The following NRG1 variants were observed in gnomAD, a reference collection of about 807,000 sequenced individuals.
NRG1 encodes pro-neuregulin-1, membrane-bound isoform.
A neutral mutation model predicts 63.8 loss-of-function variants in NRG1; 18 were observed. The observed-to-expected ratio is 0.28, with a 90% CI of 0.19 to 0.42. The LOEUF is 0.42. Among genes scored for constraint, NRG1 ranks in the 10% least tolerant of loss-of-function variants. The probability of loss-of-function intolerance (pLI) is 1.00; values close to 1 mark genes in which losing one functional copy is unlikely to be tolerated. For synonymous variants in NRG1, 302 were observed against 301.3 expected (o/e 1.00, Z -0.02); for missense variants, 762 against 814.7 (o/e 0.94, Z 0.79).
chr8:32,370,401 G>A (rs941850748), intron 1 of NRG1, among the ~76,000 whole-genome samples: 2 of 152,132 alleles, frequency 1.3e-5, no homozygotes, highest in African/African-American at 2.4e-5. Flanking sequence ...GCAGAGCTGA[G>A]AGTGTGACCT....
At chr8:32,411,029 C>T (rs1292260963) in intron 1 of NRG1, among the ~76,000 whole-genome samples, 3 of 152,060 alleles carry the variant, frequency 2.0e-5, no homozygotes, top group African/African-American at 7.2e-5. Flanking sequence ...GCACGCACCA[C>T]CATGCCCAGC....
chr8:32,595,495 C>T (rs563586436), intron 1 of NRG1, among the ~76,000 whole-genome samples: 46 of 152,144 alleles, frequency 3.0e-4, no homozygotes, highest in East Asian at 1.9e-3. Context: ...AGCCTACATA[C>T]GCTCCTTTAA....
intron 5 of NRG1, among the ~76,000 whole-genome samples, chr8:32,619,235 A>T (rs984789524): frequency 2.0e-5 from 3 of 152,140 alleles, no homozygotes; most frequent in Admixed American, 6.6e-5. Context: ...TCAAACAAAC[A>T]AACAAAAAAA....
In NRG1 at chr8:31,792,699, G is replaced by A. The variant is rs574428609; in HGVS notation, c.37+153268G>A. Reference sequence around the variant, plus strand: ...GTCTCTCTATGGTCTCTGGACTTACGTCTTGGCCTTACAGACTGTCCTGTT... The same window carrying A: ...GTCTCTCTATGGTCTCTGGACTTACATCTTGGCCTTACAGACTGTCCTGTT... On this transcript the variant is annotated intron_variant, in intron 1 of 10. Transcript: ENST00000519301. Among the ~76,000 whole-genome samples, 8 of 152,244 alleles carry A rather than the reference G, an allele frequency of 5.3e-5. No homozygotes were observed. The South Asian group carries it at 8.3e-4, about 16-fold the overall frequency.
At chr8:31,927,700 G>A (rs991343471) in intron 1 of NRG1, among the ~76,000 whole-genome samples, 37 of 149,116 alleles carry the variant, frequency 2.5e-4, no homozygotes, top group African/African-American at 8.8e-4. Context: ...CGCCCGCCTC[G>A]GCCTCCCAAA....
intron 1 of NRG1, among the ~76,000 whole-genome samples, chr8:32,196,279 G>A (rs1842944617): frequency 6.6e-6 from 1 of 152,024 alleles, no homozygotes; most frequent in Non-Finnish European, 1.5e-5. Context: ...GTCTGGGGAG[G>A]TCCCACTCTC....
intron 1 of NRG1, among the ~76,000 whole-genome samples, chr8:32,528,606 T>G (rs1831128317): frequency 6.6e-6 from 1 of 152,204 alleles, no homozygotes; most frequent in Non-Finnish European, 1.5e-5. Context: ...AATTCTTCTC[T>G]TCTTCCCACA....
At chr8:31,939,947 T>C (rs1220521601) in intron 1 of NRG1, among the ~76,000 whole-genome samples, 1 of 152,058 alleles carries the variant, frequency 6.6e-6, no homozygotes, top group Non-Finnish European at 1.5e-5. Flanking sequence ...AGAAATGAGA[T>C]AGACAGCAAC....
At chr8:31,685,804 G>T (rs1429067823) in intron 1 of NRG1, among the ~76,000 whole-genome samples, 2 of 152,110 alleles carry the variant, frequency 1.3e-5, no homozygotes, top group Non-Finnish European at 2.9e-5. Flanking sequence ...ATGTTTTCAA[G>T]ATTCATCCAT....
At chr8:32,043,197 AAAAT>A (rs1460663720) in intron 1 of NRG1, among the ~76,000 whole-genome samples, 3 of 152,108 alleles carry the variant, frequency 2.0e-5, no homozygotes, top group Non-Finnish European at 4.4e-5. Flanking sequence ...AGCCTGAAAA[AAAAT>A]GATATGTTCC....
At chr8:32,362,235 C>T (rs192948279) in intron 1 of NRG1, among the ~76,000 whole-genome samples, 5 of 152,214 alleles carry the variant, frequency 3.3e-5, no homozygotes, top group African/African-American at 9.6e-5. Context: ...TATCTGACTC[C>T]CTGATGGTTT....
chr8:32,310,065 A>C (rs1161432146), intron 1 of NRG1, among the ~76,000 whole-genome samples: 3 of 152,196 alleles, frequency 2.0e-5, no homozygotes, highest in Non-Finnish European at 4.4e-5. Flanking sequence ...AGGAGTGGCC[A>C]GTGCCCGCTC....
chr8:31,860,021 T>C (rs1391488684), intron 1 of NRG1, among the ~76,000 whole-genome samples: 2 of 152,200 alleles, frequency 1.3e-5, no homozygotes, highest in Admixed American at 6.5e-5. Flanking sequence ...CTTTCAAGGT[T>C]ACTTGGGGGC....
intron 1 of NRG1, among the ~76,000 whole-genome samples, chr8:32,215,012 G>A (rs1845065864): frequency 6.6e-6 from 1 of 152,176 alleles, no homozygotes; most frequent in Admixed American, 6.5e-5. Context: ...CCTTAGGACA[G>A]GGTTGCCTGA....
At chr8:32,145,777 T>C (rs1836805546) in intron 1 of NRG1, among the ~76,000 whole-genome samples, 1 of 152,224 alleles carries the variant, frequency 6.6e-6, no homozygotes, top group Non-Finnish European at 1.5e-5. Context: ...ATCAGCAGCA[T>C]TGGGAATACA....
In NRG1 at chr8:32,683,174, A is replaced by T. The variant is rs534230075; in HGVS notation, c.503-44775A>T. ...CAAATGAGAACCTTGCCATTTCTGCATTTATGACCAGAAGCCAACAGAGTC... is the reference window on the plus strand; with the variant it reads ...CAAATGAGAACCTTGCCATTTCTGCTTTTATGACCAGAAGCCAACAGAGTC... On this transcript the variant is annotated intron_variant, in intron 5 of 11. Transcript: ENST00000356819. Among the ~76,000 whole-genome samples, 3 of 152,334 alleles carry T rather than the reference A, an allele frequency of 2.0e-5. No homozygotes were observed. The South Asian group carries it at 6.2e-4, about 32-fold the overall frequency.
In NRG1 at chr8:32,737,827, C is replaced by G. The variant is rs1825470023; in HGVS notation, c.633-4848C>G. 2.0e-5 allele frequency among the ~76,000 whole-genome samples: 3 copies of G among 151,850 alleles called. No homozygotes were observed. In the South Asian group the frequency reaches 6.2e-4, roughly 32 times the overall value. On this transcript the variant is annotated intron_variant, in intron 6 of 11. Transcript: ENST00000356819. ...AAGTAGCTGGGATTACAGGCGCCCA[C>G]CACCACGCCCAACCAGTTTTTTTAT...
At chr8:32,648,373 C>T (rs1279355416) in intron 5 of NRG1, 2 of 1,613,818 alleles carry the variant, frequency 1.2e-6, no homozygotes, top group Non-Finnish European at 1.7e-6. Context: ...CTCCAAACTG[C>T]TCCTAAACTT....
At chr8:31,901,881 G>A (rs1832113247) in intron 1 of NRG1, among the ~76,000 whole-genome samples, 1 of 152,032 alleles carries the variant, frequency 6.6e-6, no homozygotes, top group Middle Eastern at 3.2e-3. Flanking sequence ...CTTAATACAT[G>A]TATCTATCAC....
Sources: allele counts gnomAD v4.1 joint callset (sites outside exome capture counted in the v4.1 genomes callset), GRCh38; gene constraint gnomAD v4.1.1; transcripts MANE v1.5; gene names NCBI Gene and HGNC (gene_info 2026-07-23, HGNC 2026-07-21).